STON1: variants seen among roughly 807,000 people sequenced by gnomAD.
STON1 encodes the protein stonin 1.
Under a neutral mutation model 60.9 loss-of-function variants are expected in STON1, and 79 were observed. The observed-to-expected ratio is 1.30, with a 90% CI of 1.08 to 1.56. The LOEUF (loss-of-function observed/expected upper bound fraction) is 1.56, where lower values mean the gene tolerates loss of function less well. Ranked by LOEUF, STON1 falls within the 40% of genes most tolerant of loss-of-function variation. The pLI, the probability that STON1 is intolerant of heterozygous loss-of-function variation, is 0.00. For synonymous variants in STON1, 363 were observed against 306.9 expected (o/e 1.18, Z -1.91); for missense variants, 1,166 against 858.9 (o/e 1.36, Z -4.47).
At chr2:48,551,529 T>TGTG (rs1672105562) in intron 1 of STON1, among the ~76,000 whole-genome samples, 1 of 152,252 alleles carries the variant, frequency 6.6e-6, no homozygotes, top group East Asian at 1.9e-4. Flanking sequence ...CTCTGCCAGC[T>TGTG]GTGGCTACCT....
At chr2:48,546,542 A>G (rs1671873564) in intron 1 of STON1, among the ~76,000 whole-genome samples, 1 of 152,260 alleles carries the variant, frequency 6.6e-6, no homozygotes, top group Non-Finnish European at 1.5e-5. Flanking sequence ...AATCTTGATT[A>G]GGCATCTGGC....
intron 1 of STON1, among the ~76,000 whole-genome samples, chr2:48,549,594 C>T (rs777450582): frequency 2.6e-5 from 4 of 151,984 alleles, no homozygotes; most frequent in Non-Finnish European, 4.4e-5. Flanking sequence ...GGTGGATCAC[C>T]TGAGGTCAGG....
chr2:48,559,617 C>A (rs767614140), intron 1 of STON1, among the ~76,000 whole-genome samples: 10 of 152,188 alleles, frequency 6.6e-5, no homozygotes, highest in Admixed American at 1.3e-4. Flanking sequence ...TTGTTTCACA[C>A]CTGAGAAGAC....
At chr2:48,567,776 C>A (rs1458078733) in intron 1 of STON1, among the ~76,000 whole-genome samples, 1 of 152,164 alleles carries the variant, frequency 6.6e-6, no homozygotes, top group Non-Finnish European at 1.5e-5. Context: ...AACACACTGG[C>A]CTGTCCCTGA....
At chr2:48,591,025 A>C (rs963025751) in intron 2 of STON1, among the ~76,000 whole-genome samples, 1 of 152,086 alleles carries the variant, frequency 6.6e-6, no homozygotes, top group Non-Finnish European at 1.5e-5. Flanking sequence ...ATGGTAAGGA[A>C]ATGAATAAAT....
intron 1 of STON1, among the ~76,000 whole-genome samples, chr2:48,560,515 A>G (rs1672565115): frequency 6.6e-6 from 1 of 152,198 alleles, no homozygotes. Context: ...CCTTGTTTGC[A>G]GGTCTTTGCC....
intron 1 of STON1, among the ~76,000 whole-genome samples, chr2:48,558,837 A>C (rs910095501): frequency 2.0e-5 from 3 of 152,140 alleles, no homozygotes; most frequent in Non-Finnish European, 4.4e-5. Context: ...GGATGAGCAC[A>C]TTTTATCTTT....
intron 1 of STON1, among the ~76,000 whole-genome samples, chr2:48,577,010 C>T (rs1053615648): frequency 7.3e-5 from 11 of 150,434 alleles, no homozygotes; most frequent in Admixed American, 6.6e-4. Context: ...GCCAAGATCG[C>T]GCCACTGCAC....
intron 1 of STON1, among the ~76,000 whole-genome samples, chr2:48,549,912 C>G (rs1672028124): frequency 6.6e-6 from 1 of 151,608 alleles, no homozygotes; most frequent in Non-Finnish European, 1.5e-5. Context: ...GGGACCGACT[C>G]TTGTCCTCAA....
At chr2:48,584,467 C>T (rs1238674342) in intron 2 of STON1, among the ~76,000 whole-genome samples, 1 of 151,970 alleles carries the variant, frequency 6.6e-6, no homozygotes. Flanking sequence ...GGGGTTTTCC[C>T]ATGTTGGCCA....
intron 1 of STON1, among the ~76,000 whole-genome samples, chr2:48,564,547 T>C (rs1345484100): frequency 1.8e-5 from 1 of 54,770 alleles, no homozygotes; most frequent in African/African-American, 6.7e-5. Context: ...CTTCTTCTTC[T>C]TCTTCTTCTT....
Position 48,582,163 on chromosome 2 carries a change from C to T in STON1, c.1530C>T (p.Cys510=). 1 of 1,614,180 alleles carries T rather than the reference C, an allele frequency of 6.2e-7. No individual in the cohort carries two copies. Among genetic ancestry groups the T allele is most frequent in the Non-Finnish European group, 8.5e-7 (1 of 1,180,044 alleles). ...RIIKFVPLDA[C]RFELMRFKTL... is the part of the protein sequence containing the mutation. ...TTAAGTTTGTACCTCTGGATGCCTG[C>T]CGGTTTGAGCTGATGCGTTTCAAGA... The change falls in exon 2 of 4, where the codon TGC becomes TGT. Residue 510 remains cysteine (C), a synonymous_variant. Transcript: ENST00000404752.
chr2:48,582,129 C>G lies in STON1; in HGVS notation c.1496C>G (p.Ser499Ter). ...KCVNVQEFEQ[S>*]RIIKFVPLDA... ...GTGAATGTACAAGAATTTGAGCAAT[C>G]AAGAATCATTAAGTTTGTACCTCTG... Residue 499 changes from serine (S) to a stop codon, truncating the protein, a stop_gained, in exon 2 of 4, where the codon TCA (serine) becomes TGA (stop). Coordinates refer to ENST00000404752, the MANE Select transcript of STON1 (RefSeq NM_006873.4). LOFTEE classifies it high-confidence loss of function. 2 of 1,614,156 alleles carry G rather than the reference C, an allele frequency of 1.2e-6. No individual in the cohort carries two copies. Among genetic ancestry groups the G allele is most frequent in the Non-Finnish European group, 1.7e-6 (2 of 1,180,030 alleles).
chr2:48,594,515 C>A (rs1674693051), intron 3 of STON1, among the ~76,000 whole-genome samples: 1 of 152,146 alleles, frequency 6.6e-6, no homozygotes, highest in African/African-American at 2.4e-5. Flanking sequence ...AGTCCCTGTC[C>A]TCATGGAGCA....
At position 48,581,870 on chromosome 2, in the gene STON1, C is replaced by A. The variant is rs775476043; in HGVS notation, c.1237C>A (p.Gln413Lys). Residue 413 changes from glutamine to lysine, a missense_variant, in exon 2 of 4, where the codon CAA becomes AAA. Transcript: ENST00000404752. ...AAAACCAAAAAAGAACTACGAGGAGCAAGAAATTTCCTTGGAAATTGTGGA... is the reference window on the plus strand; with the variant it reads ...AAAACCAAAAAAGAACTACGAGGAGAAAGAAATTTCCTTGGAAATTGTGGA... ...VSKPKKNYEE[Q>K]EISLEIVDNF... 1.9e-6 allele frequency: 3 copies of A among 1,614,012 alleles called. No individual in the cohort carries two copies. The highest frequency in any genetic ancestry group is 2.5e-6 in the Non-Finnish European group (3 of 1,180,004).
intron 1 of STON1, among the ~76,000 whole-genome samples, chr2:48,536,766 A>G (rs900072724): frequency 1.3e-5 from 2 of 152,174 alleles, no homozygotes; most frequent in Non-Finnish European, 2.9e-5. Context: ...TGACATCTTT[A>G]CAGTGCTGGC....
intron 1 of STON1, among the ~76,000 whole-genome samples, chr2:48,545,096 G>C (rs550581060): frequency 3.9e-5 from 6 of 152,226 alleles, no homozygotes; most frequent in South Asian, 2.1e-4. Flanking sequence ...CTGGTGGTCA[G>C]GTGCTCCTGA....
At chr2:48,550,933 T>C (rs1337985590) in intron 1 of STON1, among the ~76,000 whole-genome samples, 1 of 152,078 alleles carries the variant, frequency 6.6e-6, no homozygotes. Flanking sequence ...AGCAATTGTA[T>C]GGTTGGCATT....
intron 1 of STON1, among the ~76,000 whole-genome samples, chr2:48,554,204 CTTTAT>C (rs967052783): frequency 2.0e-5 from 3 of 152,014 alleles, no homozygotes; most frequent in African/African-American, 4.8e-5. Flanking sequence ...GGTGTTACTC[CTTTAT>C]TTTATTTTAT....
Sources: allele counts gnomAD v4.1 joint callset (sites outside exome capture counted in the v4.1 genomes callset), GRCh38; gene constraint gnomAD v4.1.1; transcripts MANE v1.5; gene names NCBI Gene and HGNC (gene_info 2026-07-23, HGNC 2026-07-21).